MEI1: variants seen among roughly 807,000 people sequenced by gnomAD.
MEI1 encodes meiotic double-stranded break formation protein 1.
A neutral mutation model predicts 146.2 loss-of-function variants in MEI1; 103 were observed. The observed-to-expected ratio is 0.70, with a 90% CI of 0.60 to 0.83. The LOEUF is 0.83. Ranked by LOEUF, MEI1 falls within the 40% of genes least tolerant of loss-of-function variation. The probability of loss-of-function intolerance (pLI) is 0.00; values close to 1 mark genes in which losing one functional copy is unlikely to be tolerated. For missense variants in MEI1, 1,529 were observed against 1,533.0 expected, an observed-to-expected ratio of 1.00 and a Z score of 0.04; for synonymous variants, 652 against 628.2, an observed-to-expected ratio of 1.04 and a Z score of -0.57.
intron 26 of MEI1, among the ~76,000 whole-genome samples, chr22:41,789,180 CGCG>C (rs2076090264): frequency 6.6e-6 from 1 of 152,032 alleles, no homozygotes; most frequent in Non-Finnish European, 1.5e-5. Flanking sequence ...GGCGTGGTGG[CGCG>C]CACCTGTAAT....
chr22:41,765,982 C>T (rs2074826703), intron 19 of MEI1, among the ~76,000 whole-genome samples: 1 of 147,932 alleles, frequency 6.8e-6, no homozygotes, highest in African/African-American at 2.5e-5. Flanking sequence ...CCTCCGCCTC[C>T]CGGGTTCATA....
chr22:41,703,442 AGT>A lies in MEI1; in HGVS notation c.290_291del (p.Val97AlafsTer19). 6.3e-7 allele frequency: 1 copy of A among 1,583,024 alleles called. No individual in the cohort carries two copies. Among genetic ancestry groups the A allele is most frequent in the Non-Finnish European group, 8.6e-7 (1 of 1,163,714 alleles). On this transcript the variant is annotated frameshift_variant, in exon 2 of 31. Coordinates refer to ENST00000401548, the MANE Select transcript of MEI1 (RefSeq NM_152513.4). LOFTEE classifies it high-confidence loss of function. ...QDQRVCIHFI[S>X]VLFGLLCSME... Reference sequence around the variant, plus strand: ...TCAGAGAGTCTGCATCCACTTCATAAGTGTGCTTTTTGGTAAGATTAAGAGGG... The same window carrying A: ...TCAGAGAGTCTGCATCCACTTCATAAGTGCTTTTTGGTAAGATTAAGAGGG...
intron 26 of MEI1, among the ~76,000 whole-genome samples, chr22:41,791,901 A>G (rs2076196163): frequency 6.6e-6 from 1 of 152,240 alleles, no homozygotes; most frequent in Non-Finnish European, 1.5e-5. Flanking sequence ...AGCACATATT[A>G]TGATTCTGCT....
chr22:41,766,359 A>G (rs1033057437), intron 19 of MEI1, among the ~76,000 whole-genome samples: 6 of 150,334 alleles, frequency 4.0e-5, no homozygotes, highest in Non-Finnish European at 8.8e-5. Context: ...CTTAGTAGAG[A>G]CAGGGTTTCA....
chr22:41,790,813 G>A (rs2076153521), intron 26 of MEI1, among the ~76,000 whole-genome samples: 1 of 151,910 alleles, frequency 6.6e-6, no homozygotes, highest in African/African-American at 2.4e-5. Flanking sequence ...GGTTGGTCTC[G>A]AACTCCTGAC....
At chr22:41,788,755 G>A (rs1602168989) in intron 26 of MEI1, among the ~76,000 whole-genome samples, 1 of 152,246 alleles carries the variant, frequency 6.6e-6, no homozygotes, top group East Asian at 1.9e-4. Context: ...GTGAAGTATT[G>A]TATAGCACTT....
Position 41,784,604 on chromosome 22 carries a change from C to T in MEI1, c.3170-4C>T, listed in dbSNP as rs751838297. On this transcript the variant is annotated splice_region_variant and splice_polypyrimidine_tract_variant and intron_variant, in intron 25 of 30. Transcript: ENST00000401548. ...ATTGGGTGTAAGGAATCTCCTGCTTCCAGCTGCCATCTTATGCTTCCTGCG... is the reference window on the plus strand; with the variant it reads ...ATTGGGTGTAAGGAATCTCCTGCTTTCAGCTGCCATCTTATGCTTCCTGCG... 1.9e-6 allele frequency: 3 copies of T among 1,611,170 alleles called. No homozygotes were observed. In the South Asian group the frequency reaches 3.3e-5, roughly 18 times the overall value.
chr22:41,771,539 A>C (rs1602066818), intron 20 of MEI1, among the ~76,000 whole-genome samples: 1 of 151,852 alleles, frequency 6.6e-6, no homozygotes, highest in South Asian at 2.1e-4. Flanking sequence ...GGGTTCACGC[A>C]ATTCTCCTGC....
chr22:41,718,704 A>G (rs2070443396), intron 6 of MEI1, among the ~76,000 whole-genome samples: 1 of 152,134 alleles, frequency 6.6e-6, no homozygotes, highest in Non-Finnish European at 1.5e-5. Context: ...ATTTATAATG[A>G]AAAACTTATT....
chr22:41,778,690 CCT>C lies in MEI1; in HGVS notation c.2711-16_2711-15del, dbSNP rs1282591906. 1 of 1,577,132 alleles carries C rather than the reference CCT, an allele frequency of 6.3e-7. No individual in the cohort carries two copies. The highest frequency in any genetic ancestry group is 1.8e-5 in the Admixed American group (1 of 55,478). On this transcript the variant is annotated splice_polypyrimidine_tract_variant and intron_variant, in intron 21 of 30. Transcript: ENST00000401548. ...CTGAGCATCAGGCTTCTTGCCCAGT[CCT>C]CCTTGTTCTTCACAGCCTCGGGGAA...
At chr22:41,798,158 CACACACACACACAT>C (rs1326215531) in intron 30 of MEI1, among the ~76,000 whole-genome samples, 23 of 89,138 alleles carry the variant, frequency 2.6e-4, no homozygotes, top group Admixed American at 5.5e-4. Context: ...CACACACACA[CACACACACACACAT>C]AGTGTGTGTC....
At chr22:41,730,466 G>C (rs549543913) in intron 8 of MEI1, 55 bp from the exon 9 acceptor site, 1 of 1,214,406 alleles carries the variant, frequency 8.2e-7, no homozygotes, top group East Asian at 2.3e-5. Flanking sequence ...CATCAGTTAA[G>C]GGATCGTGAT....
At chr22:41,734,152 A>G (rs1486280318) in intron 11 of MEI1, among the ~76,000 whole-genome samples, 1 of 152,008 alleles carries the variant, frequency 6.6e-6, no homozygotes, top group Non-Finnish European at 1.5e-5. Flanking sequence ...AATAAAATAA[A>G]ATAAATAAAG....
intron 7 of MEI1, among the ~76,000 whole-genome samples, chr22:41,725,803 A>C (rs1429394316): frequency 6.6e-6 from 1 of 152,210 alleles, no homozygotes; most frequent in Non-Finnish European, 1.5e-5. Context: ...TGCTTACCTC[A>C]TACCATATTG....
intron 11 of MEI1, among the ~76,000 whole-genome samples, chr22:41,733,496 C>T (rs1222205723): frequency 6.6e-6 from 1 of 150,872 alleles, no homozygotes; most frequent in Non-Finnish European, 1.5e-5. Flanking sequence ...GTGGCTTATC[C>T]CTGTAAACCC....
Position 41,781,772 on chromosome 22 carries a change from G to A in MEI1, c.3014G>A (p.Arg1005Lys). The change falls in exon 24 of 31, where the codon AGG (arginine) becomes AAG (lysine). Residue 1005 changes from arginine (R) to lysine (K), a missense_variant. Arg to Lys is a conservative substitution (Grantham distance 26). Transcript: ENST00000401548. ...ALTLAKADSP[R>K]TALLCSAWLL... ...ACCTTGGCAAAGGCAGATTCTCCCA[G>A]GACTGCACTCCTCTGCTCTGCCTGG... 1 of 1,613,988 alleles carries A rather than the reference G, an allele frequency of 6.2e-7. No individual in the cohort carries two copies. Among genetic ancestry groups the A allele is most frequent in the Non-Finnish European group, 8.5e-7 (1 of 1,179,900 alleles).
intron 2 of MEI1, among the ~76,000 whole-genome samples, chr22:41,704,002 T>C (rs1307244226): frequency 6.6e-6 from 1 of 151,938 alleles, no homozygotes; most frequent in Non-Finnish European, 1.5e-5. Context: ...AAATAAAAAT[T>C]CTTCAAAGAG....
In MEI1 at chr22:41,703,359, G is replaced by C; in HGVS notation, c.203G>C (p.Cys68Ser). 1 of 1,612,662 alleles carries C rather than the reference G, an allele frequency of 6.2e-7. No homozygotes were observed. Among genetic ancestry groups the C allele is most frequent in the Non-Finnish European group, 8.5e-7 (1 of 1,179,316 alleles). Reference protein sequence around the residue: ...SLVRKKHMLSCFQDALVRHTS... With the variant: ...SLVRKKHMLSSFQDALVRHTS... ...GTGCGCAAGAAGCACATGTTGTCCT[G>C]CTTCCAAGATGCCCTTGTGAGGCAT... Residue 68 changes from cysteine (C) to serine (S), a missense_variant, in exon 2 of 31, where the codon TGC becomes TCC. This residue lies in a region of MEI1 where 1,212 missense variants were observed against 1,178.9 expected (regional missense o/e 1.03). Coordinates refer to ENST00000401548, the MANE Select transcript of MEI1 (RefSeq NM_152513.4).
In MEI1 at chr22:41,752,664, C is replaced by CCAGG. The variant is rs765460418; in HGVS notation, c.1853+16_1853+19dup. ...GCAGTGGTCTGAGGTATGTGTGGTC[C>CCAGG]CAGGCAAGATTGAGTGGCCAAGGGG... On this transcript the variant is annotated intron_variant, in intron 16 of 30. Coordinates refer to ENST00000401548, the MANE Select transcript of MEI1 (RefSeq NM_152513.4). The CCAGG allele has an allele frequency of 1.3e-6, 2 of 1,586,722 alleles. No homozygotes were observed. The highest frequency in any genetic ancestry group is 4.6e-5 in the East Asian group (2 of 43,844).
Sources: gnomAD v4.1 joint callset for allele counts (sites outside exome capture counted in the v4.1 genomes callset) on GRCh38, gnomAD v4.1.1 for gene constraint, gnomAD v4.1.1 regional missense constraint, MANE v1.5 for transcripts, NCBI Gene and HGNC (gene_info 2026-07-23, HGNC 2026-07-21) for gene names.